Variants in QTMAN observed in about 807,000 individuals in gnomAD.
QTMAN encodes the protein queuosine-tRNA mannosyltransferase.
chr2:143,991,657 C>T, the QTMAN span, among the ~76,000 whole-genome samples: 1 of 138,560 alleles, frequency 7.2e-6, no homozygotes, highest in East Asian at 2.3e-4. Flanking sequence ...GCCCCTCTGC[C>T]CAGCCAGCCG....
the QTMAN span, among the ~76,000 whole-genome samples, chr2:144,258,397 G>A: frequency 1.2e-4 from 19 of 152,120 alleles, no homozygotes; most frequent in African/African-American, 4.1e-4. Flanking sequence ...CTGATGTTAC[G>A]GAATTCAAGA....
chr2:144,099,371 T>C, the QTMAN span, among the ~76,000 whole-genome samples: 2 of 152,218 alleles, frequency 1.3e-5, no homozygotes, highest in African/African-American at 4.8e-5. Flanking sequence ...CAGAATGTTA[T>C]TCTAGATCTA....
At chr2:144,145,128 A>G in the QTMAN span, among the ~76,000 whole-genome samples, 32 of 149,794 alleles carry the variant, frequency 2.1e-4, no homozygotes, top group Middle Eastern at 3.4e-3. Context: ...AAAAAAAAAA[A>G]GGCGGGGGAG....
At chr2:143,939,127 A>G in the QTMAN span, 20 of 152,346 alleles carry the variant, frequency 1.3e-4, no homozygotes, top group African/African-American at 4.6e-4. Flanking sequence ...TGGTTTAGCC[A>G]CATGCTCTCC....
the QTMAN span, among the ~76,000 whole-genome samples, chr2:144,068,945 T>TA: frequency 6.6e-6 from 1 of 152,198 alleles, no homozygotes; most frequent in East Asian, 1.9e-4. Flanking sequence ...CCCTTTATCA[T>TA]TTAGTATTCC....
chr2:143,939,662 T>A, the QTMAN span: 1 of 152,172 alleles, frequency 6.6e-6, no homozygotes, highest in African/African-American at 2.4e-5. Flanking sequence ...TCCCCACCCA[T>A]TAAGAATTCT....
chr2:144,007,148 A>G, the QTMAN span: 4 of 1,246,604 alleles, frequency 3.2e-6, no homozygotes, highest in Non-Finnish European at 4.5e-6. Flanking sequence ...TACCAGTTCT[A>G]CAACTCTTAC....
chr2:144,036,156 T>A, the QTMAN span, among the ~76,000 whole-genome samples: 1 of 152,200 alleles, frequency 6.6e-6, no homozygotes, highest in Non-Finnish European at 1.5e-5. Context: ...TTCCAAATGT[T>A]TCCTAAAACC....
the QTMAN span, among the ~76,000 whole-genome samples, chr2:144,018,617 C>T: frequency 6.6e-6 from 1 of 152,116 alleles, no homozygotes; most frequent in Non-Finnish European, 1.5e-5. Flanking sequence ...ATCTGACTTG[C>T]TGGGCCATTA....
chr2:143,999,995 T>C, the QTMAN span, among the ~76,000 whole-genome samples: 7 of 152,010 alleles, frequency 4.6e-5, no homozygotes, highest in Admixed American at 4.6e-4. Flanking sequence ...CAAGAGGCAA[T>C]GAGAAACTAA....
the QTMAN span, among the ~76,000 whole-genome samples, chr2:144,016,572 A>G: frequency 1.8e-4 from 28 of 152,358 alleles, no homozygotes; most frequent in Middle Eastern, 3.4e-3. Context: ...TATAGTATCA[A>G]TAAAGCATTG....
At chr2:144,228,033 C>T in the QTMAN span, among the ~76,000 whole-genome samples, 1 of 152,114 alleles carries the variant, frequency 6.6e-6, no homozygotes, top group Non-Finnish European at 1.5e-5. Context: ...TCTGAGCTCT[C>T]CCTTTGTTCT....
the QTMAN span, among the ~76,000 whole-genome samples, chr2:143,972,979 A>G: frequency 6.6e-6 from 1 of 152,236 alleles, no homozygotes; most frequent in African/African-American, 2.4e-5. Context: ...ACAGAAGCAA[A>G]CGAATTTAAT....
the QTMAN span, among the ~76,000 whole-genome samples, chr2:144,288,957 C>T: frequency 6.6e-6 from 1 of 151,870 alleles, no homozygotes; most frequent in Non-Finnish European, 1.5e-5. Flanking sequence ...AGAACAGATG[C>T]CCTGCTGTAA....
At chr2:144,120,381 T>C in the QTMAN span, among the ~76,000 whole-genome samples, 2 of 152,282 alleles carry the variant, frequency 1.3e-5, no homozygotes. Flanking sequence ...TCCCTCACCT[T>C]CTGGGTTCCT....
chr2:144,183,755 T>C, the QTMAN span, among the ~76,000 whole-genome samples: 3 of 152,228 alleles, frequency 2.0e-5, no homozygotes, highest in African/African-American at 7.2e-5. Flanking sequence ...ACATCCTGCA[T>C]GTGCGGACAT....
chr2:144,139,216 T>C, the QTMAN span, among the ~76,000 whole-genome samples: 1 of 152,070 alleles, frequency 6.6e-6, no homozygotes, highest in Admixed American at 6.6e-5. Flanking sequence ...TTATATTAGA[T>C]TCAGCTTTTA....
chr2:144,145,587 T>C, the QTMAN span: 4 of 1,609,092 alleles, frequency 2.5e-6, no homozygotes, highest in Non-Finnish European at 3.4e-6. Context: ...AAGAATTTGG[T>C]TGTATCCATA....
the QTMAN span, chr2:144,145,574 T>G: frequency 1.2e-6 from 2 of 1,605,356 alleles, no homozygotes; most frequent in Non-Finnish European, 1.7e-6. Flanking sequence ...ATACCTACCA[T>G]GAAAGAATTT....
Sources: allele counts gnomAD v4.1 joint callset (sites outside exome capture counted in the v4.1 genomes callset), GRCh38; gene constraint gnomAD v4.1.1; transcripts MANE v1.5; gene names NCBI Gene and HGNC (gene_info 2026-07-23, HGNC 2026-07-21).